The following RANBP3 variants were observed in gnomAD, a reference collection of about 807,000 sequenced individuals.
RANBP3 encodes the protein RAN binding protein 3.
A neutral mutation model predicts 77.3 loss-of-function variants in RANBP3; 14 were observed. The observed-to-expected ratio is 0.18, with a 90% CI of 0.12 to 0.28. The LOEUF is 0.28. RANBP3 is among the 10% of genes least tolerant of loss of function. RANBP3 has a pLI of 1.00. For missense variants in RANBP3, 586 were observed against 752.3 expected (o/e 0.78, Z 2.59); for synonymous variants, 315 against 312.4 (o/e 1.01, Z -0.09).
At chr19:5,935,394 G>A (rs1280815883) in intron 5 of RANBP3, among the ~76,000 whole-genome samples, 3 of 152,178 alleles carry the variant, frequency 2.0e-5, no homozygotes, top group Admixed American at 1.3e-4. Flanking sequence ...GGGGTGAGCC[G>A]CCAGATGTTC....
At chr19:5,920,213 A>C (rs975772136) in intron 14 of RANBP3, among the ~76,000 whole-genome samples, 1 of 152,190 alleles carries the variant, frequency 6.6e-6, no homozygotes, top group African/African-American at 2.4e-5. Flanking sequence ...CCTGGGCAAC[A>C]CAGGGAGACC....
At chr19:5,935,578 TCCACACTCCGCTCCGTG>T in intron 5 of RANBP3, 1 of 357,074 alleles carries the variant, frequency 2.8e-6, no homozygotes, top group Non-Finnish European at 5.7e-6. Context: ...CTACTGCCCT[TCCACACTCCGCTCCGTG>T]CAGCGCTGGC....
At chr19:5,977,932 C>A (rs2058616966) in intron 1 of RANBP3, 129 bp downstream of exon 1, 1 of 1,254,514 alleles carries the variant, frequency 8.0e-7, no homozygotes, top group South Asian at 1.6e-5. Context: ...GCAAGGCCCG[C>A]CACGGCGCTA....
Position 5,952,143 on chromosome 19 carries a change from T to C in RANBP3, c.79-547A>G, listed in dbSNP as rs2058284086. ...CTACAGTTCTTCTAGCACTTTCCAT[T>C]TGTTCTGCTTACACCCAGGATCCAG... On this transcript the variant is annotated intron_variant, in intron 2 of 16. Coordinates refer to ENST00000340578, the MANE Select transcript of RANBP3 (RefSeq NM_007322.3). The surrounding 1 kb of genome is among the most constrained non-coding windows in gnomAD (Gnocchi z 4.1). Among the ~76,000 whole-genome samples, 1 of 152,064 alleles carries C rather than the reference T, an allele frequency of 6.6e-6. No individual in the cohort carries two copies. Among genetic ancestry groups the C allele is most frequent in the South Asian group, 2.1e-4 (1 of 4,826 alleles).
rs2058380226 is a variant in RANBP3 at position 5,960,000 on chromosome 19, AAC to A, written c.23-2029_23-2028del. On this transcript the variant is annotated intron_variant, in intron 1 of 16. Coordinates refer to ENST00000340578, the MANE Select transcript of RANBP3 (RefSeq NM_007322.3). This position sits in a 1 kb window ranked among gnomAD's most constrained non-coding sequence, Gnocchi z 5.1. ...AAGAAGAGTCCCGCATGCATCGTCT[AAC>A]ACATGGCACATGAACAAGGCCAGGC... 6.6e-6 allele frequency among the ~76,000 whole-genome samples: 1 copy of A among 152,120 alleles called. No homozygotes were observed. Among genetic ancestry groups the A allele is most frequent in the African/African-American group, 2.4e-5 (1 of 41,422 alleles).
Position 5,924,698 on chromosome 19 carries a change from C to G in RANBP3, c.996+129G>C. 1 of 931,760 alleles carries G rather than the reference C, an allele frequency of 1.1e-6. No individual in the cohort carries two copies. Among genetic ancestry groups the G allele is most frequent in the Non-Finnish European group, 1.7e-6 (1 of 578,282 alleles). 57.7% of individuals were successfully genotyped at this position (931,760 alleles called of 1,614,324 possible). On this transcript the variant is annotated intron_variant, in intron 11 of 16. Transcript: ENST00000340578. The surrounding 1 kb of genome is among the most constrained non-coding windows in gnomAD (Gnocchi z 4.7). ...AGTCTGAGCAGGGTCTTCCCTCTCTCACTTGCTACTGAAGGCATCCCCATC... is the reference window on the plus strand; with the variant it reads ...AGTCTGAGCAGGGTCTTCCCTCTCTGACTTGCTACTGAAGGCATCCCCATC...
intron 1 of RANBP3, among the ~76,000 whole-genome samples, chr19:5,970,227 C>CA (rs1176789987): frequency 6.6e-6 from 1 of 151,896 alleles, no homozygotes; most frequent in Non-Finnish European, 1.5e-5. Flanking sequence ...TAATCTTGGG[C>CA]AAAAAAATTG....
chr19:5,974,114 G>A (rs1000881950), intron 1 of RANBP3, among the ~76,000 whole-genome samples: 6 of 152,146 alleles, frequency 3.9e-5, no homozygotes, highest in Non-Finnish European at 8.8e-5. Flanking sequence ...GTGTGCTACT[G>A]GCATCTAGTG....
intron 1 of RANBP3, among the ~76,000 whole-genome samples, chr19:5,968,416 C>T (rs555449896): frequency 2.0e-5 from 3 of 152,286 alleles, no homozygotes; most frequent in South Asian, 2.1e-4. Flanking sequence ...CAGGCAGCTT[C>T]GGCAAGGATG....
chr19:5,927,903 C>T lies in RANBP3; in HGVS notation c.813+65G>A. 5.2e-6 allele frequency: 8 copies of T among 1,547,824 alleles called. No homozygotes were observed. The South Asian group carries it at 8.6e-5, about 17-fold the overall frequency. On this transcript the variant is annotated intron_variant, in intron 9 of 16. Transcript: ENST00000340578. The stretch of plus-strand genomic sequence containing the variant: ...CCCTGTTAAAAGGAAAATCTACCTA[C>T]TTGCCTGCTGTTGAACCTGGGGAAG...
rs1255044565 is a variant in RANBP3, at chr19:5,918,549, G to A, written c.1420C>T (p.Arg474Cys). The A allele has an allele frequency of 3.1e-6, 5 of 1,613,316 alleles. No individual in the cohort carries two copies. The highest frequency in any genetic ancestry group is 1.7e-5 in the Admixed American group (1 of 59,920). ...QIDKASEKSI[R>C]ITAMDTEDQG... ...TCCTCGGTGTCCATGGCTGTGATGC[G>A]AATGCTCTTCTCGCTGGCCTTGTCG... Residue 474 changes from arginine to cysteine, a missense_variant, in exon 15 of 17, where the codon CGC (arginine) becomes TGC (cysteine). By Grantham distance (180) the Arg-to-Cys change is radical. Coordinates refer to ENST00000340578, the MANE Select transcript of RANBP3 (RefSeq NM_007322.3).
chr19:5,922,235 G>A (rs2057830841), intron 13 of RANBP3, among the ~76,000 whole-genome samples: 4 of 152,174 alleles, frequency 2.6e-5, no homozygotes, highest in Admixed American at 2.6e-4. Flanking sequence ...CAATACAGCA[G>A]TTTTGTATAT....
intron 7 of RANBP3, among the ~76,000 whole-genome samples, 182 bp downstream of exon 7, chr19:5,932,270 G>A (rs1198706685): frequency 4.6e-5 from 7 of 152,226 alleles, no homozygotes; most frequent in Non-Finnish European, 7.3e-5. Flanking sequence ...CGTTGCCAGG[G>A]CTCAGGAGGC....
intron 1 of RANBP3, among the ~76,000 whole-genome samples, chr19:5,966,612 G>A (rs948307760): frequency 5.9e-5 from 9 of 152,270 alleles, no homozygotes; most frequent in African/African-American, 2.2e-4. Flanking sequence ...CTTACAGTAA[G>A]CTTTGCTTCC....
chr19:5,919,901 CAAA>C (rs5826910), intron 14 of RANBP3, among the ~76,000 whole-genome samples: 7 of 129,946 alleles, frequency 5.4e-5, no homozygotes, highest in African/African-American at 2.9e-5. Context: ...AACTCCGTCT[CAAA>C]AAAAAAAAAA....
chr19:5,936,852 G>A (rs917380743), intron 5 of RANBP3, among the ~76,000 whole-genome samples: 3 of 151,916 alleles, frequency 2.0e-5, no homozygotes, highest in Admixed American at 6.6e-5. Context: ...GGGGAGAAGG[G>A]CAAGCTCCTC....
chr19:5,923,477 T>C (rs1261013501), intron 12 of RANBP3, among the ~76,000 whole-genome samples, 174 bp from the exon 13 acceptor site: 1 of 152,198 alleles, frequency 6.6e-6, no homozygotes, highest in East Asian at 1.9e-4. Flanking sequence ...GCATATGGCC[T>C]CAGAAGCTGC....
At chr19:5,935,911 T>C in intron 5 of RANBP3, 1 of 430,158 alleles carries the variant, frequency 2.3e-6, no homozygotes, top group South Asian at 1.7e-5. Context: ...ACCCAAAGGG[T>C]GTGGGCCTGT....
At position 5,921,583 on chromosome 19, in the gene RANBP3, T is replaced by C. The variant is rs997521343; in HGVS notation, c.1210-262A>G. Among the ~76,000 whole-genome samples, 4 of 152,220 alleles carry C rather than the reference T, an allele frequency of 2.6e-5. No homozygotes were observed. The highest frequency in any genetic ancestry group is 9.6e-5 in the African/African-American group (4 of 41,464). Reference sequence around the variant, plus strand: ...GCCTCTCTGCGCACTCTAGGACGGCTATACCCATGTGGGGAAGCTGGAACC... The same window carrying C: ...GCCTCTCTGCGCACTCTAGGACGGCCATACCCATGTGGGGAAGCTGGAACC... On this transcript the variant is annotated intron_variant, in intron 13 of 16. Coordinates refer to ENST00000340578, the MANE Select transcript of RANBP3 (RefSeq NM_007322.3). The surrounding 1 kb of genome is among the most constrained non-coding windows in gnomAD (Gnocchi z 5.3).
Sources: gnomAD v4.1 joint callset for allele counts (sites outside exome capture counted in the v4.1 genomes callset) on GRCh38, gnomAD v4.1.1 for gene constraint, Gnocchi (gnomAD v3.1) non-coding constraint, MANE v1.5 for transcripts, NCBI Gene and HGNC (gene_info 2026-07-23, HGNC 2026-07-21) for gene names.